Variants in CDH22 observed in about 807,000 individuals in gnomAD.
The protein encoded by CDH22 is cadherin 22.
CDH22 carries 30 observed loss-of-function variants against 58.4 expected under a neutral mutation model. The observed-to-expected ratio is 0.51, with a 90% CI of 0.38 to 0.70. The LOEUF is 0.70. CDH22 is among the 30% of genes least tolerant of loss of function. CDH22 has a pLI of 0.00. For synonymous variants in CDH22, 513 were observed against 558.2 expected (o/e 0.92, Z 1.14); for missense variants, 1,014 against 1,233.9 (o/e 0.82, Z 2.67).
rs8116409 is a variant in CDH22, at chr20:46,241,407, C to T, written c.256-150G>A. The T allele has an allele frequency of 6.9e-3, 4,837 of 703,756 alleles. 162 individuals carry two copies. The African/African-American group carries it at 0.077, about 11-fold the overall frequency. 43.6% of individuals were successfully genotyped at this position (703,756 alleles called of 1,614,324 possible). On this transcript the variant is annotated intron_variant, in intron 2 of 11. Coordinates refer to ENST00000537909, the MANE Select transcript of CDH22 (RefSeq NM_021248.3). This position sits in a 1 kb window ranked among gnomAD's most constrained non-coding sequence, Gnocchi z 5.2. ...TGAGGACACTGAGGCCCAGCAGCCA[C>T]GCTCACTTCCATCCCTGGCCTGGAG...
chr20:46,236,867 G>A (rs6017758), intron 3 of CDH22, among the ~76,000 whole-genome samples: 15 of 151,700 alleles, frequency 9.9e-5, no homozygotes, highest in Non-Finnish European at 1.9e-4. Flanking sequence ...AATTTTTTTC[G>A]TATTTTAGTA....
intron 10 of CDH22, among the ~76,000 whole-genome samples, chr20:46,181,744 C>CTTCCTTCCTTCCTTCCTTCG (rs2085787484): frequency 9.8e-5 from 3 of 30,756 alleles, no homozygotes; most frequent in African/African-American, 1.8e-4. Flanking sequence ...TCCTTCCTTC[C>CTTCCTTCCTTCCTTCCTTCG]TTCCTTCCTT....
chr20:46,261,146 T>C (rs778266330), intron 1 of CDH22, among the ~76,000 whole-genome samples: 122 of 152,156 alleles, frequency 8.0e-4, no homozygotes, highest in Non-Finnish European at 7.9e-4. Context: ...ATCTGAAAAA[T>C]GGGGATAATA....
intron 1 of CDH22, among the ~76,000 whole-genome samples, chr20:46,307,611 G>A (rs919888650): frequency 3.9e-5 from 6 of 152,096 alleles, no homozygotes; most frequent in Admixed American, 6.5e-5. Context: ...CGCGCCGGTG[G>A]GGCCGGCAGG....
At chr20:46,257,302 G>GAA (rs35280949) in intron 1 of CDH22, among the ~76,000 whole-genome samples, 4 of 136,280 alleles carry the variant, frequency 2.9e-5, no homozygotes, top group Admixed American at 1.5e-4. Flanking sequence ...CTTGTCTCAA[G>GAA]AAAAAAAAAA....
intron 1 of CDH22, among the ~76,000 whole-genome samples, chr20:46,286,499 A>T (rs2086577378): frequency 1.3e-5 from 2 of 152,188 alleles, no homozygotes; most frequent in African/African-American, 4.8e-5. Flanking sequence ...ATGGGAGTGA[A>T]GTTCCAGGAT....
At chr20:46,219,808 G>C (rs938512818) in intron 4 of CDH22, 2 of 152,226 alleles carry the variant, frequency 1.3e-5, no homozygotes, top group Non-Finnish European at 2.9e-5. Context: ...CTGTTTTATA[G>C]ATGAGGAGAC....
intron 6 of CDH22, among the ~76,000 whole-genome samples, chr20:46,211,759 G>A (rs1471240835): frequency 2.0e-5 from 3 of 152,086 alleles, no homozygotes; most frequent in African/African-American, 7.2e-5. Flanking sequence ...TAACAGTTAA[G>A]GATGAACGGA....
At chr20:46,243,322 T>C (rs2086305339) in intron 2 of CDH22, among the ~76,000 whole-genome samples, 1 of 152,250 alleles carries the variant, frequency 6.6e-6, no homozygotes, top group African/African-American at 2.4e-5. Flanking sequence ...ATTTTCATAT[T>C]TCATTAGCCG....
intron 1 of CDH22, among the ~76,000 whole-genome samples, chr20:46,286,935 C>T (rs2086579380): frequency 6.6e-6 from 1 of 152,148 alleles, no homozygotes; most frequent in Non-Finnish European, 1.5e-5. Context: ...CATTCCAATA[C>T]CATGGAGTCC....
chr20:46,304,099 C>A (rs2086664421), intron 1 of CDH22, among the ~76,000 whole-genome samples: 1 of 152,162 alleles, frequency 6.6e-6, no homozygotes, highest in African/African-American at 2.4e-5. Flanking sequence ...TGCAGGGACT[C>A]CACCTTCCTC....
At position 46,177,402 on chromosome 20, in the gene CDH22, C is replaced by A. The variant is rs117736897; in HGVS notation, c.1915+544G>T. Among the ~76,000 whole-genome samples, 792 of 150,666 alleles carry A rather than the reference C, an allele frequency of 5.3e-3. 6 individuals carry two copies. The highest frequency in any genetic ancestry group is 8.3e-3 in the Admixed American group (126 of 15,150). On this transcript the variant is annotated intron_variant, in intron 11 of 11. Transcript: ENST00000537909. ...CTGGTACCAGTGTAGATTTTGCCCC[C>A]CTCCCCCACCACCAATGACTTGAGA...
At chr20:46,249,198 C>T (rs1265425009) in intron 2 of CDH22, among the ~76,000 whole-genome samples, 2 of 152,214 alleles carry the variant, frequency 1.3e-5, no homozygotes, top group Admixed American at 1.3e-4. Context: ...AGGCCTCAAA[C>T]TCAGGTGTGT....
chr20:46,255,586 T>A (rs1176164138), intron 1 of CDH22, among the ~76,000 whole-genome samples: 1 of 152,136 alleles, frequency 6.6e-6, no homozygotes, highest in Admixed American at 6.5e-5. Flanking sequence ...CTCCCCTTCC[T>A]GGCCCTTCAT....
intron 1 of CDH22, among the ~76,000 whole-genome samples, chr20:46,275,660 A>G (rs1169718182): frequency 6.6e-6 from 1 of 152,094 alleles, no homozygotes; most frequent in African/African-American, 2.4e-5. Context: ...TGAGTGGTTG[A>G]ATTAATAAGT....
At position 46,199,280 on chromosome 20, in the gene CDH22, C is replaced by G; in HGVS notation, c.1423+143G>C. On this transcript the variant is annotated intron_variant, in intron 8 of 11. Transcript: ENST00000537909. ...TTTGTCTAGTTTCTTTCTCTTCGCACCATCCCCAACCTTTGGCCCCTCCCC... is the reference window on the plus strand; with the variant it reads ...TTTGTCTAGTTTCTTTCTCTTCGCAGCATCCCCAACCTTTGGCCCCTCCCC... 3.1e-6 allele frequency: 3 copies of G among 982,608 alleles called. No individual in the cohort carries two copies. The South Asian group carries it at 5.1e-5, about 17-fold the overall frequency. 60.9% of individuals were successfully genotyped at this position (982,608 alleles called of 1,614,324 possible).
chr20:46,199,067 G>C (rs879757469), intron 8 of CDH22, among the ~76,000 whole-genome samples: 2 of 152,102 alleles, frequency 1.3e-5, no homozygotes, highest in Non-Finnish European at 2.9e-5. Flanking sequence ...TTCAAGGCTG[G>C]ATCCCCAACC....
chr20:46,208,968 A>G (rs575462901), intron 7 of CDH22, among the ~76,000 whole-genome samples: 3 of 152,356 alleles, frequency 2.0e-5, no homozygotes, highest in East Asian at 1.9e-4. Flanking sequence ...GCTAGGCCCT[A>G]TGGGTATAGT....
Position 46,269,397 on chromosome 20 carries a change from G to A in CDH22, c.-399-17704C>T, listed in dbSNP as rs144098996. ...TGACAGTGTGGGTCCCAAATCTTCCGCCAATAAAATAATAAATAGTACTGA... is the reference window on the plus strand; with the variant it reads ...TGACAGTGTGGGTCCCAAATCTTCCACCAATAAAATAATAAATAGTACTGA... On this transcript the variant is annotated intron_variant, in intron 1 of 11. Coordinates refer to ENST00000537909, the MANE Select transcript of CDH22 (RefSeq NM_021248.3). 3.2e-3 allele frequency among the ~76,000 whole-genome samples: 493 copies of A among 152,274 alleles called. 1 individual carries two copies. Among genetic ancestry groups the A allele is most frequent in the African/African-American group, 0.011 (468 of 41,562 alleles).
Sources: gnomAD v4.1 joint callset for allele counts (sites outside exome capture counted in the v4.1 genomes callset) on GRCh38, gnomAD v4.1.1 for gene constraint, Gnocchi (gnomAD v3.1) non-coding constraint, MANE v1.5 for transcripts, NCBI Gene and HGNC (gene_info 2026-07-23, HGNC 2026-07-21) for gene names.